TMEM150C: variants seen among roughly 807,000 people sequenced by gnomAD.
The protein encoded by TMEM150C is tentonin 3.
In TMEM150C, 10 loss-of-function variants were observed where a neutral mutation model predicts 29.9. That is an observed-to-expected ratio of 0.33 (90% confidence interval 0.21 to 0.57). TMEM150C has a LOEUF of 0.57. Among genes scored for constraint, TMEM150C ranks in the 20% least tolerant of loss-of-function variants. The pLI is 0.88. For synonymous variants in TMEM150C, 101 were observed against 112.5 expected (o/e 0.90, Z 0.64); for missense variants, 251 against 303.6 (o/e 0.83, Z 1.29).
intron 7 of TMEM150C, among the ~76,000 whole-genome samples, chr4:82,487,791 CTG>C (rs1369134630): frequency 2.6e-5 from 4 of 152,084 alleles, no homozygotes; most frequent in East Asian, 1.9e-4. Context: ...GGGCTCTGAA[CTG>C]TGTGTGTTTT....
At chr4:82,536,656 C>T (rs1046084358) in intron 1 of TMEM150C, among the ~76,000 whole-genome samples, 22 of 151,746 alleles carry the variant, frequency 1.4e-4, no homozygotes, top group African/African-American at 4.8e-4. Context: ...GTGGGAGGAT[C>T]GCTTAAGCCC....
chr4:82,491,019 A>T, intron 6 of TMEM150C: 1 of 737,334 alleles, frequency 1.4e-6, no homozygotes, highest in African/African-American at 1.7e-5. Context: ...TGTGAAGACA[A>T]CAGTGGTGCA....
At chr4:82,541,719 G>A (rs1033164454) in intron 1 of TMEM150C, among the ~76,000 whole-genome samples, 2 of 152,092 alleles carry the variant, frequency 1.3e-5, no homozygotes, top group African/African-American at 2.4e-5. Context: ...CTTAAATGAC[G>A]GTGGGGTTCC....
chr4:82,489,537 C>A (rs1348814246), intron 7 of TMEM150C, among the ~76,000 whole-genome samples: 1 of 152,092 alleles, frequency 6.6e-6, no homozygotes, highest in Non-Finnish European at 1.5e-5. Context: ...AATAGCACCC[C>A]AAAACCTCAA....
intron 5 of TMEM150C, among the ~76,000 whole-genome samples, chr4:82,501,372 A>G (rs1022843378): frequency 7.2e-5 from 11 of 152,272 alleles, no homozygotes; most frequent in Admixed American, 2.6e-4. Flanking sequence ...TGCCAGGGGC[A>G]TAAAGAGGAG....
rs113417590 is a variant in TMEM150C, at chr4:82,514,085, C to T, written c.-10-9418G>A. Among the ~76,000 whole-genome samples the T allele has an allele frequency of 5.2e-3, 788 of 152,316 alleles. 8 individuals are homozygous for T. The highest frequency in any genetic ancestry group is 0.024 in the Middle Eastern group (7 of 294). On this transcript the variant is annotated intron_variant, in intron 1 of 7. Transcript: ENST00000449862. Reference sequence around the variant, plus strand: ...ACCCCAGCACCCACTTCAGATTTGGCGAAGGAGGAAACTGAACACAGAGAA... The same window carrying T: ...ACCCCAGCACCCACTTCAGATTTGGTGAAGGAGGAAACTGAACACAGAGAA...
rs1381313239 is a variant in TMEM150C at position 82,557,432 on chromosome 4, G to A, written c.-11+4474C>T. Among the ~76,000 whole-genome samples the A allele has an allele frequency of 5.3e-5, 8 of 152,168 alleles. 1 individual carries two copies. The highest frequency in any genetic ancestry group is 4.6e-4 in the Admixed American group (7 of 15,286). ...GTGATTGTAATCAAGGGAAGAGTGC[G>A]AGAGTTGTGCATCACTACCTACTTC... On this transcript the variant is annotated intron_variant, in intron 1 of 7. Coordinates refer to ENST00000449862, the MANE Select transcript of TMEM150C (RefSeq NM_001080506.3).
At chr4:82,527,210 C>T (rs4693452) in intron 1 of TMEM150C, among the ~76,000 whole-genome samples, 17,360 of 151,908 alleles carry the variant, frequency 0.11, 1,017 homozygotes, top group Middle Eastern at 0.23. Flanking sequence ...AGAATGGACA[C>T]AAGAGACATT....
At chr4:82,495,659 G>C in intron 6 of TMEM150C, 1 of 298,330 alleles carries the variant, frequency 3.4e-6, no homozygotes, top group South Asian at 3.6e-5. Flanking sequence ...ACAGGCAGGC[G>C]GGCATGGCCA....
intron 2 of TMEM150C, among the ~76,000 whole-genome samples, chr4:82,504,326 C>G (rs1411447648): frequency 6.6e-6 from 1 of 152,118 alleles, no homozygotes. Context: ...GCCTCAGCCC[C>G]CCGAGTAGCT....
At chr4:82,493,880 A>G (rs1723453163) in intron 6 of TMEM150C, among the ~76,000 whole-genome samples, 1 of 152,194 alleles carries the variant, frequency 6.6e-6, no homozygotes, top group African/African-American at 2.4e-5. Flanking sequence ...CTGGATATAG[A>G]TGGGAGATAG....
At chr4:82,512,015 A>C (rs1439236091) in intron 1 of TMEM150C, among the ~76,000 whole-genome samples, 3 of 152,354 alleles carry the variant, frequency 2.0e-5, no homozygotes, top group Non-Finnish European at 4.4e-5. Flanking sequence ...GCCCAAGGCT[A>C]TAGGTCATGA....
intron 6 of TMEM150C, 103 bp downstream of exon 6, chr4:82,495,965 A>C: frequency 1.4e-6 from 2 of 1,457,332 alleles, no homozygotes; most frequent in Non-Finnish European, 1.9e-6. Context: ...TTTGTGCAGA[A>C]TTATATGGGC....
chr4:82,490,819 A>T (rs1400847190), intron 6 of TMEM150C: 1 of 570,298 alleles, frequency 1.8e-6, no homozygotes, highest in Non-Finnish European at 3.2e-6. Flanking sequence ...TCAACAGTGT[A>T]TATTTAACCC....
chr4:82,536,293 G>A (rs1423718594), intron 1 of TMEM150C, among the ~76,000 whole-genome samples: 7 of 150,064 alleles, frequency 4.7e-5, no homozygotes, highest in Non-Finnish European at 8.9e-5. Context: ...GGGAGGCGGA[G>A]GTTGCCGTGA....
chr4:82,530,746 A>C (rs1032435026), intron 1 of TMEM150C, among the ~76,000 whole-genome samples: 2 of 152,214 alleles, frequency 1.3e-5, no homozygotes, highest in Non-Finnish European at 2.9e-5. Flanking sequence ...GTAATTTATA[A>C]AGAAAAGAGG....
intron 1 of TMEM150C, among the ~76,000 whole-genome samples, chr4:82,535,579 G>A (rs1389419655): frequency 6.6e-6 from 1 of 152,168 alleles, no homozygotes; most frequent in Non-Finnish European, 1.5e-5. Flanking sequence ...TCCCAGTCAG[G>A]ATGTGTGGCC....
At chr4:82,547,603 G>GA (rs994884021) in intron 1 of TMEM150C, among the ~76,000 whole-genome samples, 4 of 150,500 alleles carry the variant, frequency 2.7e-5, no homozygotes, top group South Asian at 2.1e-4. Context: ...AAAAAAAAAA[G>GA]AAAAAAAAGG....
At chr4:82,486,686 G>A (rs1723172330) in intron 7 of TMEM150C, among the ~76,000 whole-genome samples, 1 of 151,778 alleles carries the variant, frequency 6.6e-6, no homozygotes, top group Non-Finnish European at 1.5e-5. Context: ...GGAGTTTGAG[G>A]CTGCAGTGAG....
Sources: allele counts gnomAD v4.1 joint callset (sites outside exome capture counted in the v4.1 genomes callset), GRCh38; gene constraint gnomAD v4.1.1; transcripts MANE v1.5; gene names NCBI Gene and HGNC (gene_info 2026-07-23, HGNC 2026-07-21).